Variants in LPP observed in about 807,000 individuals in gnomAD.
LPP encodes LIM domain containing preferred translocation partner in lipoma, also known as lipoma-preferred partner.
Under a neutral mutation model 60.4 loss-of-function variants are expected in LPP, and 38 were observed. The observed-to-expected ratio is 0.63, with a 90% CI of 0.49 to 0.83. The LOEUF is 0.83. Among genes scored for constraint, LPP ranks in the 40% least tolerant of loss-of-function variants. The probability of loss-of-function intolerance (pLI) is 0.00; values close to 1 mark genes in which losing one functional copy is unlikely to be tolerated. For synonymous variants in LPP, 328 were observed against 290.8 expected (o/e 1.13, Z -1.30); for missense variants, 902 against 783.6 (o/e 1.15, Z -1.80).
intron 6 of LPP, among the ~76,000 whole-genome samples, chr3:188,591,621 T>C (rs1477028343): frequency 6.6e-6 from 1 of 152,196 alleles, no homozygotes; most frequent in Non-Finnish European, 1.5e-5. Context: ...ATTATTGCAG[T>C]AGCTTCCAGG....
intron 3 of LPP, among the ~76,000 whole-genome samples, chr3:188,354,061 A>G (rs1314529876): frequency 6.6e-6 from 1 of 152,150 alleles, no homozygotes; most frequent in African/African-American, 2.4e-5. Context: ...GGTTTTCTCA[A>G]TATTTGCCAT....
chr3:188,623,021 C>G (rs946595075), intron 7 of LPP, among the ~76,000 whole-genome samples: 4 of 93,808 alleles, frequency 4.3e-5, no homozygotes, highest in Admixed American at 2.9e-4. Context: ...GAGAGAGACT[C>G]CATCTTAAAA....
At chr3:188,471,373 A>T (rs1333745362) in intron 4 of LPP, among the ~76,000 whole-genome samples, 1 of 152,210 alleles carries the variant, frequency 6.6e-6, no homozygotes, top group Non-Finnish European at 1.5e-5. Context: ...AAGAATGTTG[A>T]CTATCTGGGC....
intron 1 of LPP, among the ~76,000 whole-genome samples, chr3:188,191,674 G>A (rs1156423031): frequency 6.6e-6 from 1 of 152,230 alleles, no homozygotes; most frequent in African/African-American, 2.4e-5. Context: ...GCCAGGTGGT[G>A]GCTGAGGAGG....
chr3:188,165,279 G>GA (rs199946974), intron 1 of LPP, among the ~76,000 whole-genome samples: 3,761 of 143,790 alleles, frequency 0.026, 74 homozygotes, highest in East Asian at 0.099. Flanking sequence ...TGTCTGTCAG[G>GA]AAAAAAAAAA....
At position 188,733,289 on chromosome 3, in the gene LPP, A is replaced by ATGTG. The variant is rs770786452; in HGVS notation, c.1240+24896_1240+24897insTGTG. Among the ~76,000 whole-genome samples the ATGTG allele has an allele frequency of 5.4e-3, 478 of 88,652 alleles. 2 individuals carry two copies. Among genetic ancestry groups the ATGTG allele is most frequent in the Non-Finnish European group, 6.2e-3 (264 of 42,350 alleles). The allele number at this position is 88,652 out of a possible 152,430, so 58.2% of individuals were successfully genotyped here. Reference sequence around the variant, plus strand: ...GGAATCTTACTTTACTTCACCAAAAACGTGTGTGTGTGTGTGTGTGTGTGT... The same window carrying ATGTG: ...GGAATCTTACTTTACTTCACCAAAAATGTGCGTGTGTGTGTGTGTGTGTGTGTGT... On this transcript the variant is annotated intron_variant, in intron 8 of 11. Transcript: ENST00000617246.
At chr3:188,670,050 C>G (rs574020045) in intron 7 of LPP, among the ~76,000 whole-genome samples, 5 of 152,172 alleles carry the variant, frequency 3.3e-5, no homozygotes, top group African/African-American at 1.2e-4. Flanking sequence ...GGGAATTGAA[C>G]AATGAGAACA....
chr3:188,282,444 C>T (rs1027929330), intron 2 of LPP, among the ~76,000 whole-genome samples: 2 of 152,096 alleles, frequency 1.3e-5, no homozygotes, highest in Non-Finnish European at 2.9e-5. Context: ...AGGAGGTTGG[C>T]TTGTGTACAC....
intron 9 of LPP, among the ~76,000 whole-genome samples, chr3:188,806,372 A>G (rs1749138737): frequency 6.6e-6 from 1 of 151,856 alleles, no homozygotes; most frequent in African/African-American, 2.4e-5. Flanking sequence ...ATTTTAGATA[A>G]TATTAATTTA....
intron 3 of LPP, among the ~76,000 whole-genome samples, chr3:188,366,114 A>C (rs948331860): frequency 6.6e-6 from 1 of 152,208 alleles, no homozygotes; most frequent in Non-Finnish European, 1.5e-5. Context: ...TAATTTGCAC[A>C]TATCAGTGAG....
At chr3:188,202,144 C>A (rs1211757840) in intron 1 of LPP, among the ~76,000 whole-genome samples, 4 of 151,780 alleles carry the variant, frequency 2.6e-5, no homozygotes, top group African/African-American at 9.7e-5. Context: ...GGAGCAGGTC[C>A]TTGAGAGCAG....
intron 5 of LPP, among the ~76,000 whole-genome samples, chr3:188,522,784 AATATATATATATATAT>A (rs61033243): frequency 4.0e-5 from 5 of 125,312 alleles, no homozygotes; most frequent in African/African-American, 1.2e-4. Flanking sequence ...GATAATATGA[AATATATATATATATAT>A]ATATATATAT....
At chr3:188,253,106 T>A (rs1215412048) in intron 2 of LPP, among the ~76,000 whole-genome samples, 5 of 150,648 alleles carry the variant, frequency 3.3e-5, no homozygotes, top group African/African-American at 9.8e-5. Flanking sequence ...GGGTTTTTGG[T>A]CTTTTTTTCT....
intron 4 of LPP, among the ~76,000 whole-genome samples, chr3:188,431,820 G>A (rs979985448): frequency 5.3e-5 from 8 of 152,142 alleles, no homozygotes; most frequent in Non-Finnish European, 1.0e-4. Context: ...GCATAAAATT[G>A]GTTACTCCTG....
intron 1 of LPP, among the ~76,000 whole-genome samples, chr3:188,161,644 C>T (rs1352567484): frequency 2.6e-5 from 4 of 152,122 alleles, no homozygotes; most frequent in Non-Finnish European, 5.9e-5. Context: ...GGAGTTGGGT[C>T]ACAGCCTTTA....
At chr3:188,300,017 A>G (rs2150133321) in intron 2 of LPP, among the ~76,000 whole-genome samples, 1 of 152,342 alleles carries the variant, frequency 6.6e-6, no homozygotes, top group Admixed American at 6.5e-5. Flanking sequence ...ATCATCCCTA[A>G]AACAGAACAG....
chr3:188,750,156 C>T (rs1727613036), intron 8 of LPP, among the ~76,000 whole-genome samples: 1 of 152,162 alleles, frequency 6.6e-6, no homozygotes. Flanking sequence ...GCCTCTTTCA[C>T]AAAGGGCTTT....
chr3:188,436,915 G>A (rs553118641), intron 4 of LPP, among the ~76,000 whole-genome samples: 52 of 152,120 alleles, frequency 3.4e-4, no homozygotes, highest in African/African-American at 1.2e-3. Flanking sequence ...AGGCGACTTC[G>A]ATGGGGGGTA....
intron 3 of LPP, among the ~76,000 whole-genome samples, chr3:188,378,879 C>G (rs989367118): frequency 6.6e-6 from 1 of 152,142 alleles, no homozygotes; most frequent in African/African-American, 2.4e-5. Context: ...CCAGACATAT[C>G]ATTTTCATTC....
Sources: gnomAD v4.1 joint callset for allele counts (sites outside exome capture counted in the v4.1 genomes callset) on GRCh38, gnomAD v4.1.1 for gene constraint, MANE v1.5 for transcripts, NCBI Gene and HGNC (gene_info 2026-07-23, HGNC 2026-07-21) for gene names.